Variants in ERC1 observed in about 807,000 individuals in gnomAD.
ERC1 encodes the protein ELKS/RAB6-interacting/CAST family member 1.
Under a neutral mutation model 132.0 loss-of-function variants are expected in ERC1, and 56 were observed. The ratio of observed to expected loss-of-function variants is 0.42; its 90% CI spans 0.34 to 0.53. The LOEUF is 0.53. Among genes scored for constraint, ERC1 ranks in the 20% least tolerant of loss-of-function variants. ERC1 has a pLI of 0.03. For missense variants in ERC1, 1,202 were observed against 1,349.9 expected, an observed-to-expected ratio of 0.89 and a Z score of 1.72; for synonymous variants, 478 against 476.1, an observed-to-expected ratio of 1.00 and a Z score of -0.05.
intron 16 of ERC1, among the ~76,000 whole-genome samples, chr12:1,393,857 G>A (rs1449340641): frequency 1.3e-5 from 2 of 148,950 alleles, no homozygotes; most frequent in African/African-American, 2.5e-5. Flanking sequence ...CTACTAAAAC[G>A]ACAAAAAAAT....
chr12:1,473,993 C>T (rs1285813308), intron 18 of ERC1, among the ~76,000 whole-genome samples: 1 of 152,202 alleles, frequency 6.6e-6, no homozygotes, highest in African/African-American at 2.4e-5. Flanking sequence ...AATAGATGCT[C>T]TTACGGCAAA....
chr12:1,228,841 T>G (rs1026052838), intron 12 of ERC1, among the ~76,000 whole-genome samples: 11 of 152,254 alleles, frequency 7.2e-5, no homozygotes, highest in African/African-American at 2.7e-4. Flanking sequence ...TTGTGTATTT[T>G]GAACTATCCT....
At chr12:1,061,958 G>A (rs563519253) in intron 2 of ERC1, among the ~76,000 whole-genome samples, 96 of 147,216 alleles carry the variant, frequency 6.5e-4, no homozygotes, top group Non-Finnish European at 1.3e-3. Flanking sequence ...CAGAGGTTTT[G>A]GTATGTTGTG....
At chr12:1,075,211 G>A (rs750974133) in intron 2 of ERC1, among the ~76,000 whole-genome samples, 9 of 151,936 alleles carry the variant, frequency 5.9e-5, no homozygotes, top group South Asian at 2.1e-4. Flanking sequence ...TTCAGTTGAC[G>A]TTTGTACAAA....
chr12:1,059,589 A>G (rs1011884468), intron 2 of ERC1, among the ~76,000 whole-genome samples: 2 of 152,156 alleles, frequency 1.3e-5, no homozygotes, highest in Non-Finnish European at 2.9e-5. Flanking sequence ...ATCTATTGAG[A>G]TAATCATATG....
intron 15 of ERC1, among the ~76,000 whole-genome samples, chr12:1,339,726 C>T (rs1026678091): frequency 2.6e-5 from 4 of 152,142 alleles, no homozygotes; most frequent in Admixed American, 1.3e-4. Context: ...TGTGTTAATA[C>T]GGATGTGGGT....
In ERC1 at chr12:1,286,183, A is replaced by G. The variant is rs1030138510; in HGVS notation, c.2620-3669A>G. ...GTGGTGCATACCTGTAATCTCAGCT[A>G]CTTGGGAAGCTGAGGCAGGAGAATT... On this transcript the variant is annotated intron_variant, in intron 14 of 18. Coordinates refer to ENST00000360905, the MANE Select transcript of ERC1 (RefSeq NM_178040.4). Among the ~76,000 whole-genome samples the G allele has an allele frequency of 3.3e-5, 5 of 151,322 alleles. No homozygotes were observed. In the Admixed American group the frequency reaches 3.3e-4, roughly 10 times the overall value.
At chr12:1,444,862 G>A (rs2093260571) in intron 18 of ERC1, 112 bp downstream of exon 18, 2 of 909,872 alleles carry the variant, frequency 2.2e-6, no homozygotes, top group Admixed American at 2.6e-5. Context: ...TTGATGCAGT[G>A]GGGGCTACCT....
intron 18 of ERC1, among the ~76,000 whole-genome samples, chr12:1,485,763 A>T (rs1305758794): frequency 6.6e-6 from 1 of 152,238 alleles, no homozygotes; most frequent in Non-Finnish European, 1.5e-5. Flanking sequence ...AAATTTCTAA[A>T]TAGCCCAACT....
At position 1,028,313 on chromosome 12, in the gene ERC1, C is replaced by A. The variant is rs1208088640; in HGVS notation, c.410C>A (p.Ser137Tyr). 3.1e-6 allele frequency: 5 copies of A among 1,614,032 alleles called. No individual in the cohort carries two copies. In the African/African-American group the frequency reaches 6.7e-5, roughly 22 times the overall value. ...CACCTCCCTCCTGTGAGTATGGCAT[C>A]CACTGTACCTCACTCCCTTCGTCAG... ...EHHLPPVSMA[S>Y]TVPHSLRQAR... The change falls in exon 2 of 19, where the codon TCC becomes TAC. Residue 137 changes from serine to tyrosine, a missense_variant. Ser to Tyr is a moderately radical substitution (Grantham distance 144). Coordinates refer to ENST00000360905, the MANE Select transcript of ERC1 (RefSeq NM_178040.4).
chr12:1,170,520 C>G (rs1952940966), intron 8 of ERC1, among the ~76,000 whole-genome samples: 1 of 152,194 alleles, frequency 6.6e-6, no homozygotes, highest in Non-Finnish European at 1.5e-5. Flanking sequence ...CTCATCATTG[C>G]TACTGCCACA....
At chr12:1,433,246 A>G (rs1433458001) in intron 17 of ERC1, among the ~76,000 whole-genome samples, 1 of 152,244 alleles carries the variant, frequency 6.6e-6, no homozygotes, top group South Asian at 2.1e-4. Flanking sequence ...AAGGGCAAGC[A>G]TGCAGGCACA....
intron 14 of ERC1, among the ~76,000 whole-genome samples, chr12:1,279,678 T>TTTTA (rs1220689841): frequency 6.7e-5 from 10 of 149,292 alleles, no homozygotes; most frequent in East Asian, 1.9e-4. Context: ...TTTTTAATTT[T>TTTTA]ATTTTATTTT....
chr12:1,406,302 A>G (rs1009941568), intron 16 of ERC1, among the ~76,000 whole-genome samples: 1 of 149,504 alleles, frequency 6.7e-6, no homozygotes, highest in Non-Finnish European at 1.5e-5. Flanking sequence ...GACATATTAC[A>G]TATCTCTGTA....
At chr12:1,293,218 G>A (rs1440643526) in intron 15 of ERC1, among the ~76,000 whole-genome samples, 1 of 150,900 alleles carries the variant, frequency 6.6e-6, no homozygotes, top group Non-Finnish European at 1.5e-5. Flanking sequence ...ACTTTGGGAG[G>A]CTGAGGCGGG....
chr12:1,321,877 A>G (rs1467198668), intron 15 of ERC1, among the ~76,000 whole-genome samples: 2 of 152,228 alleles, frequency 1.3e-5, no homozygotes, highest in African/African-American at 4.8e-5. Context: ...CTTGAAAGGA[A>G]TGATTATAAG....
intron 14 of ERC1, among the ~76,000 whole-genome samples, chr12:1,289,146 T>C (rs1184714683): frequency 6.8e-6 from 1 of 147,136 alleles, no homozygotes; most frequent in East Asian, 2.0e-4. Flanking sequence ...TATATAGGTA[T>C]ATAGGGATAT....
intron 16 of ERC1, among the ~76,000 whole-genome samples, chr12:1,398,827 C>T (rs147168177): frequency 1.3e-5 from 2 of 151,700 alleles, no homozygotes; most frequent in Non-Finnish European, 2.9e-5. Flanking sequence ...AGGGCAGGGA[C>T]GCTTTGTCCT....
intron 18 of ERC1, among the ~76,000 whole-genome samples, chr12:1,485,487 G>C: frequency 6.6e-6 from 1 of 152,302 alleles, no homozygotes; most frequent in Admixed American, 6.5e-5. Context: ...ACAGGCGTGA[G>C]CCACTGCATC....
Sources: allele counts gnomAD v4.1 joint callset (sites outside exome capture counted in the v4.1 genomes callset), GRCh38; gene constraint gnomAD v4.1.1; transcripts MANE v1.5; gene names NCBI Gene and HGNC (gene_info 2026-07-23, HGNC 2026-07-21).